ESR1: variants seen among roughly 807,000 people sequenced by gnomAD.
ESR1 encodes the protein estrogen receptor.
A neutral mutation model predicts 52.7 loss-of-function variants in ESR1; 12 were observed. The observed-to-expected ratio is 0.23, with a 90% CI of 0.15 to 0.37. The LOEUF (loss-of-function observed/expected upper bound fraction) is 0.37, where lower values mean the gene tolerates loss of function less well. Ranked by LOEUF, ESR1 falls within the 10% of genes least tolerant of loss-of-function variation. The pLI is 1.00. For missense variants in ESR1, 584 were observed against 779.7 expected, an observed-to-expected ratio of 0.75 and a Z score of 2.99; for synonymous variants, 305 against 316.8, an observed-to-expected ratio of 0.96 and a Z score of 0.39.
upstream of ESR1, among the ~76,000 whole-genome samples, chr6:151,799,786 A>T (rs1298773631): frequency 6.6e-6 from 1 of 152,236 alleles, no homozygotes; most frequent in Admixed American, 6.5e-5. Context: ...GGGAGACTTG[A>T]AGCATGAGTA....
intron 1 of ESR1, among the ~76,000 whole-genome samples, chr6:151,675,614 G>C (rs1194374671): frequency 6.6e-6 from 1 of 152,080 alleles, no homozygotes; most frequent in Non-Finnish European, 1.5e-5. Flanking sequence ...GTGTGTTCTA[G>C]TGATTAGAAA....
In ESR1 at chr6:151,880,882, G is replaced by GT. The variant is rs144814284; in HGVS notation, c.760+119dup. The GT allele has an allele frequency of 8.9e-3, 5,975 of 670,802 alleles. 265 individuals carry two copies. The African/African-American group carries it at 0.096, about 11-fold the overall frequency. The allele number at this position is 670,802 out of a possible 1,614,324, so 41.6% of individuals were successfully genotyped here. ...AATTTTGTGTTTTTTTCTTTTAATTGTTTTTTTTCTATTCTTATTTTTCTT... is the reference window on the plus strand; with the variant it reads ...AATTTTGTGTTTTTTTCTTTTAATTGTTTTTTTTTCTATTCTTATTTTTCTT... On this transcript the variant is annotated intron_variant, in intron 3 of 7. Transcript: ENST00000206249.
intron 2 of ESR1, among the ~76,000 whole-genome samples, chr6:151,787,558 A>G (rs1028577776): frequency 2.0e-5 from 3 of 151,504 alleles, no homozygotes; most frequent in Admixed American, 6.6e-5. Flanking sequence ...AGAGAATTTC[A>G]CCTCCCGGGT....
intron 1 of ESR1, among the ~76,000 whole-genome samples, chr6:151,816,087 A>G (rs1343608713): frequency 6.6e-6 from 1 of 152,212 alleles, no homozygotes; most frequent in African/African-American, 2.4e-5. Context: ...AATCAACAGG[A>G]TATATTAAAT....
At position 152,114,601 on chromosome 6, in the gene ESR1, G is replaced by T. The variant is rs2051184269; in HGVS notation, c.851-10665G>T. On this transcript the variant is annotated intron_variant, in intron 6 of 6. Transcript: ENST00000427531. Reference sequence around the variant, plus strand: ...CCAAGAAAAGTTTTTTAATTAAAAAGCAAGTCAAGGCCGGGCGCGGTGGCT... The same window carrying T: ...CCAAGAAAAGTTTTTTAATTAAAAATCAAGTCAAGGCCGGGCGCGGTGGCT... Among the ~76,000 whole-genome samples, 3 of 152,196 alleles carry T rather than the reference G, an allele frequency of 2.0e-5. No homozygotes were observed. In the South Asian group the frequency reaches 6.2e-4, roughly 32 times the overall value.
At chr6:151,780,747 A>C (rs1042669808) in intron 2 of ESR1, among the ~76,000 whole-genome samples, 7 of 152,164 alleles carry the variant, frequency 4.6e-5, no homozygotes, top group Non-Finnish European at 4.4e-5. Context: ...GATTCTCCTC[A>C]TTCTCAGGAG....
chr6:152,024,833 C>T (rs2043996412), intron 5 of ESR1, among the ~76,000 whole-genome samples: 1 of 149,264 alleles, frequency 6.7e-6, no homozygotes, highest in Non-Finnish European at 1.5e-5. Context: ...CACATATATA[C>T]ACATTATATG....
At chr6:152,027,204 G>T (rs917005093) in intron 5 of ESR1, among the ~76,000 whole-genome samples, 2 of 152,152 alleles carry the variant, frequency 1.3e-5, no homozygotes, top group African/African-American at 4.8e-5. Flanking sequence ...GACCTCAAGT[G>T]ATCCACCCCA....
intron 1 of ESR1, among the ~76,000 whole-genome samples, chr6:151,697,657 G>A (rs1376106741): frequency 6.6e-6 from 1 of 152,198 alleles, no homozygotes; most frequent in Non-Finnish European, 1.5e-5. Context: ...GGTACTTTAT[G>A]TTGGGTACTG....
intron 2 of ESR1, among the ~76,000 whole-genome samples, chr6:151,796,787 G>T (rs1776755444): frequency 6.6e-6 from 1 of 152,160 alleles, no homozygotes; most frequent in African/African-American, 2.4e-5. Flanking sequence ...TTTAAAACTG[G>T]TGGTTGTCAA....
At chr6:151,757,203 T>A (rs548297381) in intron 2 of ESR1, among the ~76,000 whole-genome samples, 3 of 150,412 alleles carry the variant, frequency 2.0e-5, no homozygotes, top group Non-Finnish European at 3.0e-5. Context: ...GGTGCACACC[T>A]TTTACTGGTA....
chr6:152,127,359 G>A (rs1375302971), exon 7 of ESR1: 2 of 152,078 alleles, frequency 1.3e-5, no homozygotes, highest in African/African-American at 2.4e-5. Context: ...GTTAAATGAG[G>A]TAAAACACAT....
chr6:152,082,115 G>A (rs2049275836), intron 6 of ESR1, among the ~76,000 whole-genome samples: 1 of 152,146 alleles, frequency 6.6e-6, no homozygotes, highest in Non-Finnish European at 1.5e-5. Flanking sequence ...CATTTTATGA[G>A]GCCAGCATCA....
At chr6:151,666,969 G>C (rs1447139395) in intron 1 of ESR1, among the ~76,000 whole-genome samples, 1 of 152,154 alleles carries the variant, frequency 6.6e-6, no homozygotes, top group Non-Finnish European at 1.5e-5. Context: ...CAGGAGAGGA[G>C]AGAGGTGGGG....
intron 7 of ESR1, among the ~76,000 whole-genome samples, chr6:152,096,495 G>A (rs565229377): frequency 4.7e-4 from 72 of 152,310 alleles, no homozygotes; most frequent in Middle Eastern, 3.4e-3. Context: ...AGTGCCATAT[G>A]TGAAGACTTA....
chr6:152,022,193 G>A (rs573496497), intron 5 of ESR1, among the ~76,000 whole-genome samples: 31 of 152,134 alleles, frequency 2.0e-4, no homozygotes, highest in Non-Finnish European at 3.7e-4. Flanking sequence ...TAGCCTCTGA[G>A]GAAAGCAGAA....
chr6:151,777,038 C>T (rs1281000009), intron 2 of ESR1, among the ~76,000 whole-genome samples: 1 of 151,594 alleles, frequency 6.6e-6, no homozygotes, highest in East Asian at 1.9e-4. Context: ...AAGGTTGATC[C>T]AGGCTTGTGT....
intron 1 of ESR1, among the ~76,000 whole-genome samples, chr6:151,814,965 T>G (rs1472885495): frequency 6.6e-6 from 1 of 152,208 alleles, no homozygotes; most frequent in African/African-American, 2.4e-5. Context: ...GTACAAGGCA[T>G]TTTTGCTAAC....
intron 2 of ESR1, among the ~76,000 whole-genome samples, chr6:151,748,519 C>T (rs906534314): frequency 7.9e-5 from 12 of 152,086 alleles, no homozygotes; most frequent in Admixed American, 7.9e-4. Context: ...TGGTTTTGCT[C>T]TTATAAGTAA....
Sources: gnomAD v4.1 joint callset for allele counts (sites outside exome capture counted in the v4.1 genomes callset) on GRCh38, gnomAD v4.1.1 for gene constraint, MANE v1.5 for transcripts, NCBI Gene and HGNC (gene_info 2026-07-23, HGNC 2026-07-21) for gene names.